CD1A: variants seen among roughly 807,000 people sequenced by gnomAD.
The protein encoded by CD1A is T-cell surface glycoprotein CD1a.
In CD1A, 50 loss-of-function variants were observed where a neutral mutation model predicts 38.3. The observed-to-expected ratio is 1.30, with a 90% CI of 1.04 to 1.65. The LOEUF is 1.65. Among genes scored for constraint, CD1A ranks in the 40% most tolerant of loss-of-function variants. The pLI is 0.00. For synonymous variants in CD1A, 160 were observed against 150.8 expected (o/e 1.06, Z -0.45); for missense variants, 459 against 406.1 (o/e 1.13, Z -1.12).
chr1:158,254,337 T>C, upstream of CD1A: 6 of 1,177,430 alleles, frequency 5.1e-6, no homozygotes, highest in Non-Finnish European at 6.4e-6. Context: ...ATTGTATGAT[T>C]GAGAAAAAAA....
At chr1:158,251,490 C>T (rs1650087758), upstream of CD1A, among the ~76,000 whole-genome samples, 1 of 152,190 alleles carries the variant, frequency 6.6e-6, no homozygotes, top group Admixed American at 6.5e-5. Flanking sequence ...GTTAATGTCT[C>T]CACTCTCAGG....
At position 158,256,099 on chromosome 1, in the gene CD1A, G is replaced by A; in HGVS notation, c.421G>A (p.Val141Met). The change falls in exon 3 of 6, where the codon GTG becomes ATG. Residue 141 changes from valine (V) to methionine (M), a missense_variant. By Grantham distance (21) the Val-to-Met change is conservative. Coordinates refer to ENST00000289429, the MANE Select transcript of CD1A (RefSeq NM_001763.3). ...LQLAYQGSDFVSFQNNSWLPY... is the reference protein window; with the variant it reads ...LQLAYQGSDFMSFQNNSWLPY... The stretch of plus-strand genomic sequence containing the variant: ...GTTAGCTTATCAAGGATCAGACTTT[G>A]TGAGCTTCCAGAACAATTCATGGTT... 1 of 1,614,204 alleles carries A rather than the reference G, an allele frequency of 6.2e-7. No individual in the cohort carries two copies. Among genetic ancestry groups the A allele is most frequent in the Non-Finnish European group, 8.5e-7 (1 of 1,180,042 alleles).
chr1:158,249,447 C>T (rs1650027788), upstream of CD1A, among the ~76,000 whole-genome samples: 1 of 152,100 alleles, frequency 6.6e-6, no homozygotes, highest in South Asian at 2.1e-4. Context: ...TCTTGGGTCT[C>T]TTATAAGGGA....
upstream of CD1A, among the ~76,000 whole-genome samples, chr1:158,251,068 A>C (rs999919335): frequency 6.6e-6 from 1 of 152,264 alleles, no homozygotes; most frequent in Non-Finnish European, 1.5e-5. Context: ...TAACATAAAC[A>C]GTTGATGAAC....
At position 158,256,893 on chromosome 1, in the gene CD1A, A is replaced by G. The variant is rs1488053594; in HGVS notation, c.712A>G (p.Met238Val). ...CCCAAAGCCCGTGTGGGTGATGTGG[A>G]TGCGGGGTGAGCAGGAGCAGCAGGG... The part of the protein sequence containing the change: ...FYPKPVWVMW[M>V]RGEQEQQGTQ... Residue 238 changes from methionine to valine, a missense_variant, in exon 4 of 6, where the codon ATG becomes GTG. Coordinates refer to ENST00000289429, the MANE Select transcript of CD1A (RefSeq NM_001763.3). The G allele has an allele frequency of 6.2e-7, 1 of 1,614,144 alleles. No homozygotes were observed. The highest frequency in any genetic ancestry group is 1.7e-5 in the Admixed American group (1 of 60,024).
At chr1:158,257,554 C>G (rs952287586) in intron 5 of CD1A, 43 bp downstream of exon 5, 2 of 1,580,344 alleles carry the variant, frequency 1.3e-6, no homozygotes, top group African/African-American at 1.3e-5. Context: ...AGCCTCTACC[C>G]CACTTTTCTT....
upstream of CD1A, among the ~76,000 whole-genome samples, chr1:158,252,493 T>C (rs1216194295): frequency 6.6e-6 from 1 of 152,198 alleles, no homozygotes; most frequent in Non-Finnish European, 1.5e-5. Flanking sequence ...AGTCTGTCTT[T>C]CTTTATATTT....
At chr1:158,254,269 G>C (rs16840041), upstream of CD1A, 1 of 1,087,416 alleles carries the variant, frequency 9.2e-7, no homozygotes, top group Non-Finnish European at 1.1e-6. Flanking sequence ...TGATCAAAAA[G>C]AGCAGGGACA....
chr1:158,250,623 G>A (rs1484912540), upstream of CD1A, among the ~76,000 whole-genome samples: 1 of 152,148 alleles, frequency 6.6e-6, no homozygotes, highest in East Asian at 1.9e-4. Flanking sequence ...CTTGGTCTCA[G>A]TCATGCGGAT....
upstream of CD1A, among the ~76,000 whole-genome samples, chr1:158,251,248 G>C (rs1397917405): frequency 2.0e-5 from 3 of 152,198 alleles, no homozygotes; most frequent in Non-Finnish European, 4.4e-5. Flanking sequence ...AGAAGAGGAG[G>C]AGGAAGAGGA....
Sources: allele counts gnomAD v4.1 joint callset (sites outside exome capture counted in the v4.1 genomes callset), GRCh38; gene constraint gnomAD v4.1.1; transcripts MANE v1.5; gene names NCBI Gene and HGNC (gene_info 2026-07-23, HGNC 2026-07-21).